DLG1: variants seen among roughly 807,000 people sequenced by gnomAD.
DLG1 encodes the protein discs large MAGUK scaffold protein 1, also known as disks large homolog 1.
A neutral mutation model predicts 123.4 loss-of-function variants in DLG1; 42 were observed. The ratio of observed to expected loss-of-function variants is 0.34; its 90% confidence interval spans 0.27 to 0.44. The LOEUF is 0.44. DLG1 is among the 20% of genes least tolerant of loss of function. DLG1 has a pLI of 1.00. For missense variants in DLG1, 942 were observed against 1,082.6 expected (o/e 0.87, Z 1.82); for synonymous variants, 317 against 356.2 (o/e 0.89, Z 1.24).
intron 14 of DLG1, among the ~76,000 whole-genome samples, chr3:197,101,395 T>C (rs1293422777): frequency 6.6e-6 from 1 of 152,084 alleles, no homozygotes; most frequent in East Asian, 1.9e-4. Flanking sequence ...AGATTCTTTT[T>C]TTTTTTTTGA....
At chr3:197,108,559 ATATAAC>A (rs1281300898) in intron 13 of DLG1, among the ~76,000 whole-genome samples, 1 of 150,376 alleles carries the variant, frequency 6.6e-6, no homozygotes, top group Non-Finnish European at 1.5e-5. Context: ...TAATTAGAGT[ATATAAC>A]TATAAAATAT....
At chr3:197,296,944 G>T (rs558872118) in intron 2 of DLG1, 2 of 489,980 alleles carry the variant, frequency 4.1e-6, no homozygotes, top group East Asian at 8.2e-5. Flanking sequence ...GGTTATTAAG[G>T]ACATCTGTTG....
In DLG1 at chr3:197,278,486, A is replaced by G. The variant is rs1235294733; in HGVS notation, c.318+4193T>C. 2.0e-5 allele frequency among the ~76,000 whole-genome samples: 3 copies of G among 151,920 alleles called. No homozygotes were observed. The East Asian group carries it at 5.8e-4, about 29-fold the overall frequency. The stretch of plus-strand genomic sequence containing the variant: ...ACACAGTTTCTAAAAAAACAAAAAA[A>G]GTAGTACAAAAAAGAAAAAAATCCC... On this transcript the variant is annotated intron_variant, in intron 4 of 24. Transcript: ENST00000667157.
chr3:197,273,819 C>G (rs138812329), intron 4 of DLG1, among the ~76,000 whole-genome samples: 1 of 48,512 alleles, frequency 2.1e-5, no homozygotes, highest in Non-Finnish European at 3.9e-5. Context: ...AAAAAGAAAT[C>G]AGGAATACAA....
chr3:197,087,779 A>G (rs1755278727), intron 15 of DLG1, among the ~76,000 whole-genome samples: 1 of 152,218 alleles, frequency 6.6e-6, no homozygotes, highest in African/African-American at 2.4e-5. Context: ...AGAAGTGTAC[A>G]GTAGTACCAA....
chr3:197,130,561 C>T lies in DLG1; in HGVS notation c.1131G>A (p.Met377Ile), dbSNP rs1781977165. The change falls in exon 11 of 25, where the codon ATG becomes ATA. Residue 377 changes from methionine to isoleucine, a missense_variant. Physicochemically the swap from Met to Ile is conservative, Grantham distance 10. Coordinates refer to ENST00000667157, the MANE Select transcript of DLG1 (RefSeq NM_001366207.1). ...LKVAKPTSMY[M>I]NDGYAPPDIT... ...TATCAGGTGGTGCATAGCCATCATTCATATACATACTTGTGGGTTTTGCCA... is the reference window on the plus strand; with the variant it reads ...TATCAGGTGGTGCATAGCCATCATTTATATACATACTTGTGGGTTTTGCCA... 2 of 1,612,372 alleles carry T rather than the reference C, an allele frequency of 1.2e-6. No individual in the cohort carries two copies. Among genetic ancestry groups the T allele is most frequent in the East Asian group, 2.2e-5 (1 of 44,744 alleles).
intron 23 of DLG1, among the ~76,000 whole-genome samples, chr3:197,053,453 T>C (rs1280576759): frequency 1.3e-5 from 2 of 152,130 alleles, no homozygotes; most frequent in African/African-American, 4.8e-5. Flanking sequence ...GAACCCACTG[T>C]TTTCTGGCCT....
At chr3:197,295,507 A>G (rs1235119624) in intron 3 of DLG1, among the ~76,000 whole-genome samples, 3 of 152,130 alleles carry the variant, frequency 2.0e-5, no homozygotes, top group African/African-American at 7.2e-5. Flanking sequence ...TCATTCTTAG[A>G]ATTGGAAGAG....
intron 5 of DLG1, among the ~76,000 whole-genome samples, chr3:197,177,348 G>A (rs959986582): frequency 7.2e-5 from 11 of 152,142 alleles, no homozygotes; most frequent in Admixed American, 7.2e-4. Context: ...ATCAATTAGA[G>A]TCAGTATTTT....
intron 3 of DLG1, among the ~76,000 whole-genome samples, chr3:197,288,362 C>CAAAAAAAAAA (rs1290725400): frequency 3.1e-4 from 14 of 45,334 alleles, no homozygotes; most frequent in East Asian, 1.1e-3. Flanking sequence ...GACTCCGTCT[C>CAAAAAAAAAA]AAAAAAAAAA....
intron 13 of DLG1, among the ~76,000 whole-genome samples, chr3:197,113,929 T>C (rs1392297750): frequency 2.6e-5 from 4 of 152,098 alleles, no homozygotes; most frequent in Non-Finnish European, 5.9e-5. Flanking sequence ...GCTATAATAG[T>C]GCTCTATGAT....
At chr3:197,217,000 A>C (rs1734441299) in intron 4 of DLG1, among the ~76,000 whole-genome samples, 1 of 152,236 alleles carries the variant, frequency 6.6e-6, no homozygotes, top group Non-Finnish European at 1.5e-5. Context: ...TTCACATGAC[A>C]ATATTCTAAA....
At chr3:197,296,259 T>C (rs1777307398) in intron 3 of DLG1, 87 bp downstream of exon 3, 16 of 1,296,704 alleles carry the variant, frequency 1.2e-5, no homozygotes, top group Non-Finnish European at 1.7e-5. Flanking sequence ...GAGAATTAAG[T>C]ACATCATTTT....
intron 4 of DLG1, among the ~76,000 whole-genome samples, chr3:197,201,212 T>C (rs576305994): frequency 6.6e-6 from 1 of 152,182 alleles, no homozygotes; most frequent in Admixed American, 6.5e-5. Context: ...TGAAAACCCG[T>C]CTCTACTAAA....
intron 23 of DLG1, among the ~76,000 whole-genome samples, chr3:197,054,990 T>G (rs1730662218): frequency 6.6e-6 from 1 of 152,144 alleles, no homozygotes; most frequent in Non-Finnish European, 1.5e-5. Flanking sequence ...TAATTTTGTA[T>G]TTTTAGTAGA....
intron 6 of DLG1, among the ~76,000 whole-genome samples, chr3:197,146,635 T>C (rs1001328736): frequency 6.6e-6 from 1 of 152,150 alleles, no homozygotes; most frequent in South Asian, 2.1e-4. Context: ...TCTCACCTTA[T>C]AAAAACATCA....
intron 14 of DLG1, among the ~76,000 whole-genome samples, chr3:197,103,259 T>C (rs1408662054): frequency 2.0e-5 from 3 of 152,116 alleles, no homozygotes; most frequent in Admixed American, 6.6e-5. Context: ...GTTGTGTGGG[T>C]AGGAGCATGC....
At chr3:197,272,171 T>C (rs1422159276) in intron 4 of DLG1, among the ~76,000 whole-genome samples, 1 of 152,170 alleles carries the variant, frequency 6.6e-6, no homozygotes, top group African/African-American at 2.4e-5. Context: ...TTGATTGTAG[T>C]ATTCACATAT....
intron 5 of DLG1, among the ~76,000 whole-genome samples, chr3:197,182,836 C>T (rs1029395202): frequency 1.3e-5 from 2 of 151,972 alleles, no homozygotes; most frequent in Non-Finnish European, 2.9e-5. Context: ...ATTAATTTTT[C>T]TTTATTTTTC....
Sources: allele counts gnomAD v4.1 joint callset (sites outside exome capture counted in the v4.1 genomes callset), GRCh38; gene constraint gnomAD v4.1.1; transcripts MANE v1.5; gene names NCBI Gene and HGNC (gene_info 2026-07-23, HGNC 2026-07-21).